NRXN1: variants seen among roughly 807,000 people sequenced by gnomAD.
NRXN1 encodes neurexin-1.
In NRXN1, 39 loss-of-function variants were observed where a neutral mutation model predicts 150.9. The observed-to-expected ratio is 0.26, with a 90% confidence interval of 0.20 to 0.34. NRXN1 has a LOEUF of 0.34. Among genes scored for constraint, NRXN1 ranks in the 10% least tolerant of loss-of-function variants. The pLI is 1.00. For missense variants in NRXN1, 1,815 were observed against 1,949.9 expected (o/e 0.93, Z 1.30); for synonymous variants, 924 against 757.0 (o/e 1.22, Z -3.62).
chr2:50,860,113 G>GAA (rs1018992085), intron 5 of NRXN1, among the ~76,000 whole-genome samples: 3 of 151,702 alleles, frequency 2.0e-5, no homozygotes, highest in African/African-American at 7.3e-5. Context: ...GTATTTTGAT[G>GAA]AAAAAGAATA....
chr2:50,628,172 C>G (rs1395388863), intron 5 of NRXN1, among the ~76,000 whole-genome samples: 1 of 151,664 alleles, frequency 6.6e-6, no homozygotes, highest in African/African-American at 2.4e-5. Context: ...TTTTGTTTGC[C>G]AGATAATGTG....
intron 17 of NRXN1, among the ~76,000 whole-genome samples, chr2:50,255,257 G>C (rs544693319): frequency 6.6e-6 from 1 of 152,144 alleles, no homozygotes; most frequent in South Asian, 2.1e-4. Flanking sequence ...AAGTTCTTTG[G>C]CCAATTAAAT....
At chr2:50,988,386 A>T (rs986130475) in intron 2 of NRXN1, among the ~76,000 whole-genome samples, 1 of 151,990 alleles carries the variant, frequency 6.6e-6, no homozygotes, top group Admixed American at 6.6e-5. Flanking sequence ...AGTGAACAGT[A>T]TGGCTTCATG....
Position 50,679,707 on chromosome 2 carries a change from G to A in NRXN1, c.833-56092C>T, listed in dbSNP as rs973012564. Among the ~76,000 whole-genome samples, 8 of 152,238 alleles carry A rather than the reference G, an allele frequency of 5.3e-5. No homozygotes were observed. The East Asian group carries it at 1.5e-3, about 29-fold the overall frequency. The stretch of plus-strand genomic sequence containing the variant: ...TTCTATTAATAAAGAAAATGTATAT[G>A]AAGAAAATGCACTTTACAAAGTATA... On this transcript the variant is annotated intron_variant, in intron 5 of 22. Coordinates refer to ENST00000401669, the MANE Select transcript of NRXN1 (RefSeq NM_001330078.2).
At chr2:50,525,770 T>G (rs1358270483) in intron 12 of NRXN1, among the ~76,000 whole-genome samples, 2 of 152,176 alleles carry the variant, frequency 1.3e-5, no homozygotes, top group African/African-American at 4.8e-5. Flanking sequence ...GAAAAGAGGC[T>G]CTCTTCTTCC....
At chr2:50,419,117 T>A (rs1004160526) in intron 17 of NRXN1, among the ~76,000 whole-genome samples, 7 of 152,126 alleles carry the variant, frequency 4.6e-5, no homozygotes, top group Admixed American at 2.6e-4. Flanking sequence ...TGAATCACAC[T>A]TTTAAATCAG....
chr2:50,788,328 T>C (rs1353244365), intron 5 of NRXN1, among the ~76,000 whole-genome samples: 1 of 152,000 alleles, frequency 6.6e-6, no homozygotes, highest in Non-Finnish European at 1.5e-5. Flanking sequence ...GACCTCGTGA[T>C]CCGCCGCCTC....
intron 22 of NRXN1, among the ~76,000 whole-genome samples, chr2:49,932,506 C>A (rs1347679603): frequency 6.6e-6 from 1 of 151,930 alleles, no homozygotes; most frequent in Non-Finnish European, 1.5e-5. Context: ...CTCCTTTCTC[C>A]TTTCCTTTCC....
chr2:50,303,043 G>A (rs888923979), intron 17 of NRXN1, among the ~76,000 whole-genome samples: 2 of 152,096 alleles, frequency 1.3e-5, no homozygotes, highest in Non-Finnish European at 2.9e-5. Context: ...AGGACCTTCC[G>A]AACTCAGTCT....
chr2:50,540,994 G>C lies in NRXN1; in HGVS notation c.1760-2358C>G, dbSNP rs75351304. On this transcript the variant is annotated intron_variant, in intron 9 of 22. Transcript: ENST00000401669. ...CATGTTCTTAAATAAAAGAGAGAAG[G>C]ATTCTACTCTATTTTCCAATTAGTT... is the stretch of plus-strand genomic sequence containing the variant. 1.8e-3 allele frequency among the ~76,000 whole-genome samples: 268 copies of C among 151,998 alleles called. 6 individuals are homozygous for C. The East Asian group carries it at 0.047, about 27-fold the overall frequency.
chr2:50,560,227 A>T (rs1668848280), intron 8 of NRXN1, among the ~76,000 whole-genome samples: 1 of 152,172 alleles, frequency 6.6e-6, no homozygotes. Context: ...TTAACTGACC[A>T]AGAGAGACTA....
chr2:50,376,962 CTT>C (rs35715075), intron 17 of NRXN1, among the ~76,000 whole-genome samples: 35 of 148,312 alleles, frequency 2.4e-4, no homozygotes, highest in African/African-American at 5.9e-4. Flanking sequence ...CTTTTCTTTT[CTT>C]TTTTTTTTTA....
intron 21 of NRXN1, among the ~76,000 whole-genome samples, chr2:49,960,857 C>G (rs1250012601): frequency 6.6e-6 from 1 of 152,100 alleles, no homozygotes; most frequent in East Asian, 1.9e-4. Context: ...ACAGAGGAGG[C>G]AATGGTTCTT....
chr2:50,361,407 C>A (rs1458383556), intron 17 of NRXN1, among the ~76,000 whole-genome samples: 1 of 151,852 alleles, frequency 6.6e-6, no homozygotes, highest in South Asian at 2.1e-4. Context: ...CAAATAGACA[C>A]AATAAAAAAA....
intron 8 of NRXN1, among the ~76,000 whole-genome samples, chr2:50,573,643 C>A (rs1041291651): frequency 6.6e-6 from 1 of 151,706 alleles, no homozygotes; most frequent in African/African-American, 2.4e-5. Flanking sequence ...GGGGTGGAAT[C>A]CCAAAGAGAT....
intron 5 of NRXN1, among the ~76,000 whole-genome samples, chr2:50,915,940 C>A (rs542376928): frequency 6.7e-6 from 1 of 149,156 alleles, no homozygotes; most frequent in South Asian, 2.2e-4. Flanking sequence ...AGGAACAAAT[C>A]TGGAATATGA....
chr2:50,650,041 AT>A (rs1685382720), intron 5 of NRXN1, among the ~76,000 whole-genome samples: 1 of 151,994 alleles, frequency 6.6e-6, no homozygotes, highest in Non-Finnish European at 1.5e-5. Flanking sequence ...ACCAATTCCA[AT>A]TCAAAATGCT....
intron 5 of NRXN1, among the ~76,000 whole-genome samples, chr2:50,682,415 C>G (rs1474616968): frequency 6.6e-6 from 1 of 152,068 alleles, no homozygotes; most frequent in African/African-American, 2.4e-5. Context: ...AGGCTTTGAA[C>G]ACAGAATCTG....
intron 18 of NRXN1, among the ~76,000 whole-genome samples, chr2:50,179,459 A>G (rs866092225): frequency 1.6e-4 from 25 of 152,138 alleles, no homozygotes; most frequent in African/African-American, 5.3e-4. Flanking sequence ...TGAATATCAC[A>G]TGCAAACAAG....
Sources: allele counts gnomAD v4.1 joint callset (sites outside exome capture counted in the v4.1 genomes callset), GRCh38; gene constraint gnomAD v4.1.1; transcripts MANE v1.5; gene names NCBI Gene and HGNC (gene_info 2026-07-23, HGNC 2026-07-21).